The following PCDH9 variants were observed in gnomAD, a reference collection of about 807,000 sequenced individuals.
The protein encoded by PCDH9 is protocadherin 9, also known as protocadherin-9.
Under a neutral mutation model 70.6 loss-of-function variants are expected in PCDH9, and 24 were observed. The observed-to-expected ratio is 0.34, with a 90% CI of 0.25 to 0.48. The LOEUF (loss-of-function observed/expected upper bound fraction) is 0.48, where lower values mean the gene tolerates loss of function less well. PCDH9 is among the 20% of genes least tolerant of loss of function. The pLI, the probability that PCDH9 is intolerant of heterozygous loss-of-function variation, is 0.99. For missense variants in PCDH9, 1,281 were observed against 1,503.6 expected, an observed-to-expected ratio of 0.85 and a Z score of 2.45; for synonymous variants, 562 against 558.5, an observed-to-expected ratio of 1.01 and a Z score of -0.09.
At chr13:66,654,659 CA>C (rs756089470) in intron 3 of PCDH9, among the ~76,000 whole-genome samples, 6 of 151,912 alleles carry the variant, frequency 3.9e-5, no homozygotes, top group Non-Finnish European at 5.9e-5. Context: ...TTTGAGTTGA[CA>C]TATAGAAAAA....
intron 3 of PCDH9, among the ~76,000 whole-genome samples, chr13:66,664,841 G>A (rs547261510): frequency 9.2e-5 from 14 of 151,990 alleles, no homozygotes; most frequent in African/African-American, 3.4e-4. Context: ...ATGTTCCTAA[G>A]GCTTCATCCC....
intron 3 of PCDH9, among the ~76,000 whole-genome samples, chr13:66,691,087 G>T (rs2078477727): frequency 6.6e-6 from 1 of 151,876 alleles, no homozygotes; most frequent in Non-Finnish European, 1.5e-5. Context: ...GCACTGGCCA[G>T]AGTGCAGTGG....
intron 4 of PCDH9, among the ~76,000 whole-genome samples, chr13:66,589,506 A>G (rs1472068570): frequency 6.6e-6 from 1 of 152,104 alleles, no homozygotes; most frequent in African/African-American, 2.4e-5. Context: ...AATAAAATGC[A>G]ATTAGAAAGT....
intron 3 of PCDH9, among the ~76,000 whole-genome samples, chr13:66,893,331 A>T (rs1040413772): frequency 1.3e-5 from 2 of 152,162 alleles, no homozygotes; most frequent in Admixed American, 1.3e-4. Context: ...CACACTGTGA[A>T]TCAGAGGGCT....
intron 4 of PCDH9, among the ~76,000 whole-genome samples, chr13:66,407,712 A>G (rs1276288154): frequency 6.6e-6 from 1 of 152,222 alleles, no homozygotes; most frequent in East Asian, 1.9e-4. Context: ...AAAACTTATT[A>G]TGTTGAGCAT....
intron 4 of PCDH9, among the ~76,000 whole-genome samples, chr13:66,502,523 T>C (rs962794480): frequency 3.9e-5 from 6 of 152,190 alleles, no homozygotes; most frequent in African/African-American, 9.6e-5. Context: ...AAAAAATTTG[T>C]CATTTTTTAT....
chr13:67,155,784 A>T (rs2987330), intron 2 of PCDH9, among the ~76,000 whole-genome samples: 7,096 of 151,838 alleles, frequency 0.047, 482 homozygotes, highest in African/African-American at 0.16. Context: ...TAATAATAAT[A>T]ATTATTATTA....
At chr13:66,756,823 A>C (rs1428041366) in intron 3 of PCDH9, among the ~76,000 whole-genome samples, 1 of 151,882 alleles carries the variant, frequency 6.6e-6, no homozygotes, top group East Asian at 1.9e-4. Context: ...TTGTCATGTG[A>C]TTGATTTATT....
At chr13:67,190,530 A>G (rs1351285497) in intron 2 of PCDH9, among the ~76,000 whole-genome samples, 1 of 152,036 alleles carries the variant, frequency 6.6e-6, no homozygotes, top group African/African-American at 2.4e-5. Context: ...TTTGAGGAAG[A>G]TAAACTAGCA....
intron 4 of PCDH9, among the ~76,000 whole-genome samples, chr13:66,491,781 T>C (rs2138535174): frequency 6.6e-6 from 1 of 152,314 alleles, no homozygotes; most frequent in South Asian, 2.1e-4. Context: ...TAAACAATCA[T>C]TGATTACTTG....
intron 3 of PCDH9, among the ~76,000 whole-genome samples, chr13:66,743,376 G>C (rs1208492729): frequency 7.1e-5 from 10 of 140,964 alleles, no homozygotes; most frequent in Non-Finnish European, 1.4e-4. Context: ...GATAGCATTG[G>C]GAGATACACC....
chr13:66,995,345 G>T (rs1418142625), intron 2 of PCDH9, among the ~76,000 whole-genome samples: 1 of 152,140 alleles, frequency 6.6e-6, no homozygotes, highest in Non-Finnish European at 1.5e-5. Flanking sequence ...CACCACGGGC[G>T]AAGTGAGGTT....
chr13:66,678,178 C>T (rs2078270486), intron 3 of PCDH9, among the ~76,000 whole-genome samples: 1 of 152,092 alleles, frequency 6.6e-6, no homozygotes, highest in Non-Finnish European at 1.5e-5. Context: ...CCTGATGTTA[C>T]TGTTCAAACA....
intron 4 of PCDH9, among the ~76,000 whole-genome samples, chr13:66,600,252 A>C (rs1157939028): frequency 6.6e-6 from 1 of 151,926 alleles, no homozygotes; most frequent in Non-Finnish European, 1.5e-5. Context: ...TTCAACATCA[A>C]ATGTAAAAAT....
At chr13:66,467,123 G>A (rs1958528114) in intron 4 of PCDH9, among the ~76,000 whole-genome samples, 1 of 151,864 alleles carries the variant, frequency 6.6e-6, no homozygotes, top group African/African-American at 2.4e-5. Flanking sequence ...ATCTAAGGGA[G>A]CACCAAAAAA....
chr13:66,461,166 C>A (rs1014775997), intron 4 of PCDH9, among the ~76,000 whole-genome samples: 2 of 151,700 alleles, frequency 1.3e-5, no homozygotes, highest in African/African-American at 4.8e-5. Flanking sequence ...GCATATTAAA[C>A]CTTCTTAAAA....
chr13:66,576,469 G>A (rs761617598), intron 4 of PCDH9, among the ~76,000 whole-genome samples: 6 of 152,040 alleles, frequency 3.9e-5, no homozygotes, highest in Non-Finnish European at 8.8e-5. Context: ...AGCATTCACA[G>A]TTAGAGTCCT....
intron 4 of PCDH9, among the ~76,000 whole-genome samples, chr13:66,608,626 C>T (rs530692156): frequency 2.0e-4 from 31 of 151,906 alleles, no homozygotes; most frequent in African/African-American, 7.2e-4. Context: ...GTTTGAACCT[C>T]ACCCTAAAGG....
At chr13:66,628,882 A>T (rs1231821663) in intron 4 of PCDH9, among the ~76,000 whole-genome samples, 2 of 152,232 alleles carry the variant, frequency 1.3e-5, no homozygotes, top group Non-Finnish European at 2.9e-5. Flanking sequence ...AAGACAAAAA[A>T]TTCTATGACA....
Sources: allele counts gnomAD v4.1 joint callset (sites outside exome capture counted in the v4.1 genomes callset), GRCh38; gene constraint gnomAD v4.1.1; transcripts MANE v1.5; gene names NCBI Gene and HGNC (gene_info 2026-07-23, HGNC 2026-07-21).